The following CCDC102B variants were observed in gnomAD, a reference collection of about 807,000 sequenced individuals.
The protein encoded by CCDC102B is coiled-coil domain-containing protein 102B.
A neutral mutation model predicts 57.4 loss-of-function variants in CCDC102B; 75 were observed. The ratio of observed to expected loss-of-function variants is 1.31; its 90% CI spans 1.08 to 1.58. The LOEUF (loss-of-function observed/expected upper bound fraction) is 1.58, where lower values mean the gene tolerates loss of function less well. Ranked by LOEUF, CCDC102B falls within the 40% of genes most tolerant of loss-of-function variation. CCDC102B has a pLI of 0.00. For missense variants in CCDC102B, 636 were observed against 582.6 expected (o/e 1.09, Z -0.94); for synonymous variants, 206 against 201.9 (o/e 1.02, Z -0.17).
At chr18:68,989,820 C>G (rs1224819088) in intron 6 of CCDC102B, among the ~76,000 whole-genome samples, 1 of 152,182 alleles carries the variant, frequency 6.6e-6, no homozygotes, top group African/African-American at 2.4e-5. Flanking sequence ...GGCCCTGTCT[C>G]TCTCTCCCAT....
intron 4 of CCDC102B, chr18:68,866,582 C>G (rs1465429209): frequency 1.4e-5 from 4 of 283,048 alleles, no homozygotes; most frequent in Non-Finnish European, 2.8e-5. Context: ...GCCCTCTGCT[C>G]TGTATCAGAA....
At chr18:68,913,528 G>A (rs1196457323) in intron 6 of CCDC102B, among the ~76,000 whole-genome samples, 3 of 151,940 alleles carry the variant, frequency 2.0e-5, no homozygotes, top group African/African-American at 4.8e-5. Flanking sequence ...AGGCCTGTAC[G>A]GCTGTAATCC....
chr18:68,834,956 A>G (rs2037303133), intron 1 of CCDC102B, among the ~76,000 whole-genome samples: 1 of 152,040 alleles, frequency 6.6e-6, no homozygotes, highest in African/African-American at 2.4e-5. Flanking sequence ...AGAGGATTTA[A>G]TGTCATGCAC....
chr18:68,766,930 A>G (rs929281687), intron 2 of CCDC102B, among the ~76,000 whole-genome samples: 3 of 152,192 alleles, frequency 2.0e-5, no homozygotes, highest in Non-Finnish European at 4.4e-5. Flanking sequence ...CATAACACTG[A>G]TTGAAGAGGC....
At chr18:68,771,295 C>T (rs531243280) in intron 2 of CCDC102B, among the ~76,000 whole-genome samples, 4 of 152,042 alleles carry the variant, frequency 2.6e-5, no homozygotes, top group Non-Finnish European at 4.4e-5. Flanking sequence ...TTTGGAGATA[C>T]GTTGGGTCAG....
chr18:68,731,993 TACTG>T (rs1166666050), intron 2 of CCDC102B, among the ~76,000 whole-genome samples: 3 of 79,190 alleles, frequency 3.8e-5, no homozygotes, highest in Admixed American at 1.4e-4. Context: ...ATCTGCTAAA[TACTG>T]ACTATTTTTC....
intron 1 of CCDC102B, among the ~76,000 whole-genome samples, chr18:68,798,987 T>C (rs1427006910): frequency 6.6e-6 from 1 of 152,016 alleles, no homozygotes; most frequent in Non-Finnish European, 1.5e-5. Flanking sequence ...GACCAAAATA[T>C]ATAAAATATT....
At chr18:68,995,932 G>T (rs1317573132) in intron 6 of CCDC102B, among the ~76,000 whole-genome samples, 4 of 152,204 alleles carry the variant, frequency 2.6e-5, no homozygotes, top group Non-Finnish European at 4.4e-5. Context: ...AGCCACAGGG[G>T]TTGGAGCTGC....
intron 7 of CCDC102B, among the ~76,000 whole-genome samples, chr18:69,041,820 G>T (rs955092490): frequency 1.3e-5 from 2 of 151,994 alleles, no homozygotes; most frequent in African/African-American, 2.4e-5. Flanking sequence ...GTTTGCTCTT[G>T]CTTCACTAGT....
intron 6 of CCDC102B, among the ~76,000 whole-genome samples, chr18:68,962,129 T>C (rs990694118): frequency 6.6e-6 from 1 of 152,156 alleles, no homozygotes; most frequent in Non-Finnish European, 1.5e-5. Context: ...TATTGTAGCA[T>C]ATATTCCATG....
At chr18:68,896,745 C>T (rs1437838262) in intron 5 of CCDC102B, among the ~76,000 whole-genome samples, 1 of 151,698 alleles carries the variant, frequency 6.6e-6, no homozygotes, top group African/African-American at 2.4e-5. Flanking sequence ...TTTTTGGCAA[C>T]TGCAAATGTT....
At chr18:68,969,092 T>C (rs1453910956) in intron 6 of CCDC102B, among the ~76,000 whole-genome samples, 3 of 152,160 alleles carry the variant, frequency 2.0e-5, no homozygotes, top group Non-Finnish European at 4.4e-5. Flanking sequence ...AGAAAACACA[T>C]TAGCCTAAAA....
chr18:69,014,978 A>AGAGTGTGTGTGTGTGTGTGTGTGT lies in CCDC102B; in HGVS notation c.1434+3875_1434+3876insAGTGTGTGTGTGTGTGTGTGTGTG, dbSNP rs139377520. ...GTGAATGAGAGAGAGAGAGAGAGAGAGTGTGTGTGTGTGTGTGTGTGTGTG... is the reference window on the plus strand; with the variant it reads ...GTGAATGAGAGAGAGAGAGAGAGAGAGAGTGTGTGTGTGTGTGTGTGTGTGTGTGTGTGTGTGTGTGTGTGTGTG... On this transcript the variant is annotated intron_variant, in intron 7 of 7. Transcript: ENST00000360242. 3.2e-3 allele frequency among the ~76,000 whole-genome samples: 444 copies of AGAGTGTGTGTGTGTGTGTGTGTGT among 139,372 alleles called. 3 individuals are homozygous for AGAGTGTGTGTGTGTGTGTGTGTGT. The highest frequency in any genetic ancestry group is 0.018 in the Middle Eastern group (5 of 272). The allele number at this position is 139,372 out of a possible 152,430, so 91.4% of individuals were successfully genotyped here. A position where few individuals can be genotyped will look rare whatever the true frequency, so the allele number is the denominator to read the frequency against.
At chr18:69,045,482 A>G (rs547389507) in intron 7 of CCDC102B, among the ~76,000 whole-genome samples, 2 of 152,270 alleles carry the variant, frequency 1.3e-5, no homozygotes, top group East Asian at 3.9e-4. Flanking sequence ...AAAAACAGAA[A>G]TACTGAGGAA....
intron 4 of CCDC102B, among the ~76,000 whole-genome samples, chr18:68,860,437 A>G (rs1475861425): frequency 2.3e-5 from 2 of 86,546 alleles, no homozygotes; most frequent in Non-Finnish European, 5.3e-5. Context: ...ATGTACCCTA[A>G]AACTTAAAGT....
chr18:69,046,419 C>T (rs536259147), intron 7 of CCDC102B, among the ~76,000 whole-genome samples: 91 of 152,196 alleles, frequency 6.0e-4, no homozygotes, highest in Non-Finnish European at 1.1e-3. Flanking sequence ...CTGTTCATAT[C>T]CTCGGCCCAC....
chr18:68,955,192 C>T (rs1178187315), intron 6 of CCDC102B, among the ~76,000 whole-genome samples: 1 of 152,050 alleles, frequency 6.6e-6, no homozygotes, highest in Non-Finnish European at 1.5e-5. Flanking sequence ...ATTTATTCCT[C>T]TTGTAGTCAT....
chr18:68,958,166 C>T (rs889909261), intron 6 of CCDC102B, among the ~76,000 whole-genome samples: 4 of 152,138 alleles, frequency 2.6e-5, no homozygotes, highest in African/African-American at 9.7e-5. Context: ...TGGGAAAGAC[C>T]TGCCCTGGTG....
chr18:68,919,576 A>G (rs1054266269), intron 6 of CCDC102B, among the ~76,000 whole-genome samples: 2 of 152,158 alleles, frequency 1.3e-5, no homozygotes, highest in African/African-American at 4.8e-5. Context: ...GCAATTCCTT[A>G]CACAGATCTG....
Sources: gnomAD v4.1 joint callset for allele counts (sites outside exome capture counted in the v4.1 genomes callset) on GRCh38, gnomAD v4.1.1 for gene constraint, MANE v1.5 for transcripts, NCBI Gene and HGNC (gene_info 2026-07-23, HGNC 2026-07-21) for gene names.